DBF4B: variants seen among roughly 807,000 people sequenced by gnomAD.
The protein encoded by DBF4B is DBF4B-CDC7 kinase regulatory subunit.
DBF4B carries 49 observed loss-of-function variants against 53.4 expected under a neutral mutation model. That is an observed-to-expected ratio of 0.92 (90% confidence interval 0.73 to 1.16). DBF4B has a LOEUF of 1.16. Ranked by LOEUF, DBF4B falls within the 50% of genes most tolerant of loss-of-function variation. The pLI is 0.00. For missense variants in DBF4B, 692 were observed against 775.0 expected, an observed-to-expected ratio of 0.89 and a Z score of 1.27; for synonymous variants, 257 against 288.7, an observed-to-expected ratio of 0.89 and a Z score of 1.11.
rs1383147795 is a variant in DBF4B, at chr17:44,751,146, T to C, written c.1741T>C (p.Tyr581His). Residue 581 changes from tyrosine to histidine, a missense_variant, in exon 14 of 14, where the codon TAT becomes CAT. Transcript: ENST00000315005. ...TCCGTGTACCCTTGCCTTCCCCTCC[T>C]ATCTCAATGATCATGACCTTGGACA... ...SHPCTLAFPS[Y>H]LNDHDLGHLC... 1 of 1,613,896 alleles carries C rather than the reference T, an allele frequency of 6.2e-7. No homozygotes were observed. The highest frequency in any genetic ancestry group is 1.3e-5 in the African/African-American group (1 of 74,912).
intron 2 of DBF4B, among the ~76,000 whole-genome samples, chr17:44,715,800 C>G (rs1338697361): frequency 1.0e-5 from 1 of 95,258 alleles, no homozygotes; most frequent in African/African-American, 4.0e-5. Flanking sequence ...AGCCTAATTT[C>G]TTTCTTTCTT....
Position 44,751,022 on chromosome 17 carries a change from C to T in DBF4B, c.1617C>T (p.Leu539=). ...AGGAAGTTTCCCCTTGCCCCTGTCTCAGACTTGGATACCTTTACCTGCTGC... is the reference window on the plus strand; with the variant it reads ...AGGAAGTTTCCCCTTGCCCCTGTCTTAGACTTGGATACCTTTACCTGCTGC... ...LHEEVSPCPC[L]RLGYLYLLLT... is the part of the protein sequence containing the mutation. The change falls in exon 14 of 14, where the codon CTC becomes CTT. Residue 539 remains leucine (L), a synonymous_variant. Transcript: ENST00000315005. 5 of 1,614,140 alleles carry T rather than the reference C, an allele frequency of 3.1e-6. No homozygotes were observed. Among genetic ancestry groups the T allele is most frequent in the Non-Finnish European group, 4.2e-6 (5 of 1,180,000 alleles).
chr17:44,717,238 C>T (rs921979516), intron 2 of DBF4B, among the ~76,000 whole-genome samples: 2 of 152,080 alleles, frequency 1.3e-5, no homozygotes, highest in East Asian at 1.9e-4. Flanking sequence ...AGTTACTCAA[C>T]CTAATTTACC....
At chr17:44,739,390 G>T (rs1975770349) in intron 9 of DBF4B, among the ~76,000 whole-genome samples, 1 of 152,230 alleles carries the variant, frequency 6.6e-6, no homozygotes, top group African/African-American at 2.4e-5. Context: ...ACAGGGAAGG[G>T]CAGGGCAGCT....
At position 44,747,177 on chromosome 17, in the gene DBF4B, G is replaced by A. The variant is rs1310853660; in HGVS notation, c.925G>A (p.Glu309Lys). ...GYCECCQEAF[E>K]ELHVHLQSAQ... The stretch of plus-strand genomic sequence containing the variant: ...CTGCGAGTGCTGTCAGGAGGCCTTC[G>A]AGGAGCTCCATGTGGTGAGCCCCTT... Residue 309 changes from glutamate to lysine, a missense_variant, in exon 11 of 14, where the codon GAG becomes AAG. Physicochemically the swap from Glu to Lys is moderately conservative, Grantham distance 56 (BLOSUM62 1). Around this residue, in one of 3 missense-constraint regions of DBF4B, gnomAD observed 597 missense variants for 665.8 expected, o/e 0.90. Transcript: ENST00000315005. 6.2e-6 allele frequency: 10 copies of A among 1,614,086 alleles called. No homozygotes were observed. Among genetic ancestry groups the A allele is most frequent in the South Asian group, 1.1e-5 (1 of 91,078 alleles).
chr17:44,710,887 T>C (rs1972807121), intron 2 of DBF4B, among the ~76,000 whole-genome samples: 1 of 152,008 alleles, frequency 6.6e-6, no homozygotes, highest in Non-Finnish European at 1.5e-5. Context: ...TTTTAGATTA[T>C]ACATTTTTAT....
Position 44,747,277 on chromosome 17 carries a change from C to T in DBF4B, c.939+86C>T, listed in dbSNP as rs931345791. The stretch of plus-strand genomic sequence containing the variant: ...GGGATGAGTCCTTCCTATGCGATCT[C>T]TATGCTGCTATGGCTGTCCTCCAGG... On this transcript the variant is annotated intron_variant, in intron 11 of 13. Coordinates refer to ENST00000315005, the MANE Select transcript of DBF4B (RefSeq NM_145663.3). 56 of 1,594,836 alleles carry T rather than the reference C, an allele frequency of 3.5e-5. No individual in the cohort carries two copies. The African/African-American group carries it at 6.4e-4, about 18-fold the overall frequency.
intron 5 of DBF4B, 192 bp from the exon 6 acceptor site, chr17:44,731,986 C>CA (rs1974878337): frequency 1.7e-6 from 1 of 575,994 alleles, no homozygotes; most frequent in African/African-American, 1.9e-5. Context: ...CCAATGTGGC[C>CA]ATGTGGAGGA....
chr17:44,740,845 A>G (rs1400068026), intron 9 of DBF4B, among the ~76,000 whole-genome samples: 12 of 152,200 alleles, frequency 7.9e-5, no homozygotes, highest in Admixed American at 7.9e-4. Flanking sequence ...TGAAAAGTAG[A>G]CAGGGAGGGG....
chr17:44,709,684 G>T (rs964868590), intron 2 of DBF4B, among the ~76,000 whole-genome samples: 2 of 152,078 alleles, frequency 1.3e-5, no homozygotes, highest in African/African-American at 4.8e-5. Context: ...TGGGATTCAT[G>T]ATAAAGGTCA....
At chr17:44,734,964 C>G (rs959920738) in intron 7 of DBF4B, among the ~76,000 whole-genome samples, 1 of 152,228 alleles carries the variant, frequency 6.6e-6, no homozygotes, top group East Asian at 1.9e-4. Context: ...ATTAGCCGGG[C>G]GTGGTGGCAC....
In DBF4B at chr17:44,734,158, C is replaced by A. The variant is rs778326128; in HGVS notation, c.625C>A (p.Pro209Thr). 6.2e-7 allele frequency: 1 copy of A among 1,614,024 alleles called. No individual in the cohort carries two copies. The highest frequency in any genetic ancestry group is 1.3e-5 in the African/African-American group (1 of 74,932). Residue 209 changes from proline (P) to threonine (T), a missense_variant, in exon 7 of 14, where the codon CCA becomes ACA. Transcript: ENST00000315005. ...TGTGAAAAAACAACAGCCAAAGAAG[C>A]CAGAGGTAGGTCATCCTGCTGAACT... is the stretch of plus-strand genomic sequence containing the variant. Reference protein sequence around the residue: ...LCVKKQQPKKPEGTCPAAESR... With the variant: ...LCVKKQQPKKTEGTCPAAESR...
intron 10 of DBF4B, among the ~76,000 whole-genome samples, chr17:44,744,310 G>C (rs1480377626): frequency 6.6e-6 from 1 of 151,880 alleles, no homozygotes; most frequent in Non-Finnish European, 1.5e-5. Flanking sequence ...TACTCAGGAG[G>C]CTGAGGCTGG....
chr17:44,735,872 A>C (rs1366924810), intron 7 of DBF4B, among the ~76,000 whole-genome samples: 1 of 152,078 alleles, frequency 6.6e-6, no homozygotes, highest in Non-Finnish European at 1.5e-5. Flanking sequence ...CCTCCAGCTA[A>C]AGCTGATTTT....
intron 7 of DBF4B, 34 bp downstream of exon 7, chr17:44,734,197 A>G (rs770352894): frequency 6.2e-7 from 1 of 1,613,912 alleles, no homozygotes; most frequent in Non-Finnish European, 8.5e-7. Flanking sequence ...GGACAAATGG[A>G]TGGTTTTCAA....
rs1181758097 is a variant in DBF4B at position 44,751,578 on chromosome 17, GCC to G, written c.*328_*329del. 3.7e-6 allele frequency: 5 copies of G among 1,335,122 alleles called. No homozygotes were observed. In the African/African-American group the frequency reaches 7.4e-5, roughly 20 times the overall value. The allele number at this position is 1,335,122 out of a possible 1,614,324, so 82.7% of individuals were successfully genotyped here. On this transcript the variant is annotated 3_prime_UTR_variant, in exon 14 of 14. Transcript: ENST00000315005. Reference sequence around the variant, plus strand: ...CTCAGACTTGCCACCTTTCCCCTCTGCCCCAAAATGCCATGCTCCTCTCCTGG... The same window carrying G: ...CTCAGACTTGCCACCTTTCCCCTCTGCCAAAATGCCATGCTCCTCTCCTGG...
Position 44,751,562 on chromosome 17 carries a change from G to C in DBF4B, c.*309G>C. 7.5e-7 allele frequency: 1 copy of C among 1,326,450 alleles called. No individual in the cohort carries two copies. The highest frequency in any genetic ancestry group is 9.6e-7 in the Non-Finnish European group (1 of 1,039,246). The allele number at this position is 1,326,450 out of a possible 1,614,324, so 82.2% of individuals were successfully genotyped here. On this transcript the variant is annotated 3_prime_UTR_variant, in exon 14 of 14. Coordinates refer to ENST00000315005, the MANE Select transcript of DBF4B (RefSeq NM_145663.3). ...TCTTGTTGGTTTCCTTCTCAGACTT[G>C]CCACCTTTCCCCTCTGCCCCAAAAT...
intron 10 of DBF4B, among the ~76,000 whole-genome samples, chr17:44,741,943 T>C (rs1218701292): frequency 6.6e-6 from 1 of 152,104 alleles, no homozygotes; most frequent in Admixed American, 6.6e-5. Flanking sequence ...CTGGGGTCTC[T>C]TTAATTAAAA....
At chr17:44,708,957 G>A (rs1972618804) in intron 1 of DBF4B, 118 bp downstream of exon 1, 3 of 1,409,588 alleles carry the variant, frequency 2.1e-6, no homozygotes, top group African/African-American at 1.4e-5. Context: ...CGAAGCTGAG[G>A]AGGGTATAGG....
Sources: gnomAD v4.1 joint callset for allele counts (sites outside exome capture counted in the v4.1 genomes callset) on GRCh38, gnomAD v4.1.1 for gene constraint, gnomAD v4.1.1 regional missense constraint, MANE v1.5 for transcripts, NCBI Gene and HGNC (gene_info 2026-07-23, HGNC 2026-07-21) for gene names.